The following MCTP1 variants were observed in gnomAD, a reference collection of about 807,000 sequenced individuals.
The protein encoded by MCTP1 is multiple C2 and transmembrane domain-containing protein 1.
MCTP1 carries 69 observed loss-of-function variants against 120.6 expected under a neutral mutation model. That is an observed-to-expected ratio of 0.57 (90% CI 0.47 to 0.70). The LOEUF (loss-of-function observed/expected upper bound fraction) is 0.70. Among genes scored for constraint, MCTP1 ranks in the 30% least tolerant of loss-of-function variants. MCTP1 has a pLI of 0.00. For missense variants in MCTP1, 1,203 were observed against 1,248.8 expected, an observed-to-expected ratio of 0.96 and a Z score of 0.55; for synonymous variants, 529 against 493.1, an observed-to-expected ratio of 1.07 and a Z score of -0.96.
intron 1 of MCTP1, among the ~76,000 whole-genome samples, chr5:95,028,076 A>T (rs185645843): frequency 5.9e-5 from 9 of 152,352 alleles, no homozygotes; most frequent in Admixed American, 5.9e-4. Flanking sequence ...GCAGCTACTA[A>T]GTAAGGAAAA....
chr5:95,056,306 A>G (rs1747380844), intron 1 of MCTP1, among the ~76,000 whole-genome samples: 1 of 152,230 alleles, frequency 6.6e-6, no homozygotes, highest in Non-Finnish European at 1.5e-5. Flanking sequence ...TCTTGCTAAC[A>G]TGAAACTTTA....
At chr5:95,074,114 T>A (rs1461912324) in intron 1 of MCTP1, among the ~76,000 whole-genome samples, 1 of 152,062 alleles carries the variant, frequency 6.6e-6, no homozygotes, top group Non-Finnish European at 1.5e-5. Context: ...AGACTCCGTC[T>A]CAAGAAAAAA....
At chr5:95,099,126 A>G (rs1363534906) in intron 1 of MCTP1, among the ~76,000 whole-genome samples, 1 of 152,042 alleles carries the variant, frequency 6.6e-6, no homozygotes, top group Non-Finnish European at 1.5e-5. Flanking sequence ...TCAATTCAAG[A>G]TGGATTAAAG....
chr5:94,725,103 C>T (rs1322868513), intron 19 of MCTP1, among the ~76,000 whole-genome samples: 2 of 152,042 alleles, frequency 1.3e-5, no homozygotes, highest in African/African-American at 4.8e-5. Context: ...AGCACGTGAA[C>T]CTGTGAATTA....
At chr5:95,211,681 AGTCATTCTCC>A (rs1752394053) in intron 1 of MCTP1, among the ~76,000 whole-genome samples, 1 of 152,188 alleles carries the variant, frequency 6.6e-6, no homozygotes, top group Admixed American at 6.6e-5. Flanking sequence ...AACTTGTCAA[AGTCATTCTCC>A]GTCCAGCTTT....
chr5:94,818,625 AC>A (rs1214426340), intron 17 of MCTP1, among the ~76,000 whole-genome samples: 1 of 152,134 alleles, frequency 6.6e-6, no homozygotes, highest in African/African-American at 2.4e-5. Flanking sequence ...TGATGGCTCT[AC>A]CCTTTCTCTT....
At chr5:95,232,871 G>A (rs1382635493) in intron 1 of MCTP1, among the ~76,000 whole-genome samples, 1 of 152,138 alleles carries the variant, frequency 6.6e-6, no homozygotes, top group African/African-American at 2.4e-5. Context: ...GAAAATGAAA[G>A]TTATTTCAAA....
At chr5:94,983,126 A>G (rs1421530868) in intron 2 of MCTP1, among the ~76,000 whole-genome samples, 1 of 151,978 alleles carries the variant, frequency 6.6e-6, no homozygotes, top group Non-Finnish European at 1.5e-5. Context: ...AAGAAAACAG[A>G]CTAATAGCCA....
chr5:94,876,553 A>G lies in MCTP1; in HGVS notation c.1934-3312T>C, dbSNP rs1344860652. Among the ~76,000 whole-genome samples, 4 of 152,178 alleles carry G rather than the reference A, an allele frequency of 2.6e-5. No homozygotes were observed. The East Asian group carries it at 7.7e-4, about 29-fold the overall frequency. ...TTTGAGAGCCTAAATATATGAGAAC[A>G]CAGATTATATAATCTATTTTTCTCT... On this transcript the variant is annotated intron_variant, in intron 12 of 22. Transcript: ENST00000515393.
At chr5:94,717,874 C>G (rs1430710918) in intron 19 of MCTP1, among the ~76,000 whole-genome samples, 1 of 151,718 alleles carries the variant, frequency 6.6e-6, no homozygotes, top group Non-Finnish European at 1.5e-5. Flanking sequence ...TCAGCGAGGA[C>G]ACAAATGGGA....
In MCTP1 at chr5:94,858,456, C is replaced by T. The variant is rs1341542988; in HGVS notation, c.2436+9877G>A. 3.3e-5 allele frequency among the ~76,000 whole-genome samples: 5 copies of T among 151,712 alleles called. No homozygotes were observed. The South Asian group carries it at 1.0e-3, about 31-fold the overall frequency. On this transcript the variant is annotated intron_variant, in intron 17 of 22. Transcript: ENST00000515393. ...TGCATACAGACTTATTATATCAAGT[C>T]GGCAATTCTAGCCTTCCCAGATCAA...
chr5:95,209,951 G>T (rs1380339007), intron 1 of MCTP1, among the ~76,000 whole-genome samples: 1 of 152,188 alleles, frequency 6.6e-6, no homozygotes, highest in Non-Finnish European at 1.5e-5. Flanking sequence ...TTGAGGATCA[G>T]GTTGTTCAGT....
In MCTP1 at chr5:95,157,471, T is replaced by C. The variant is rs552695883; in HGVS notation, c.720+126385A>G. On this transcript the variant is annotated intron_variant, in intron 1 of 22. Transcript: ENST00000515393. ...TTCTAATTTATATTATTCTATCAAA[T>C]GAATTCAGCTGCCCTGTAGACCCAT... is the stretch of plus-strand genomic sequence containing the variant. Among the ~76,000 whole-genome samples the C allele has an allele frequency of 1.4e-3, 213 of 152,314 alleles. 2 individuals are homozygous for C. The highest frequency in any genetic ancestry group is 4.9e-3 in the African/African-American group (204 of 41,570).
intron 1 of MCTP1, among the ~76,000 whole-genome samples, chr5:95,102,532 C>T (rs532695653): frequency 1.3e-5 from 2 of 152,242 alleles, no homozygotes; most frequent in African/African-American, 2.4e-5. Context: ...AGAAGTTGCA[C>T]GTCGGAAGTT....
chr5:95,263,642 C>G (rs1276041928), intron 1 of MCTP1, among the ~76,000 whole-genome samples: 1 of 152,160 alleles, frequency 6.6e-6, no homozygotes, highest in Non-Finnish European at 1.5e-5. Context: ...TTTAAAGATA[C>G]CTGCTGCCTC....
At chr5:94,813,149 T>A (rs770210206) in intron 17 of MCTP1, among the ~76,000 whole-genome samples, 1 of 151,978 alleles carries the variant, frequency 6.6e-6, no homozygotes, top group African/African-American at 2.4e-5. Context: ...GTTTAAACAA[T>A]GGGAAAAAGA....
chr5:94,818,368 T>C (rs1784917162), intron 17 of MCTP1, among the ~76,000 whole-genome samples: 1 of 152,194 alleles, frequency 6.6e-6, no homozygotes, highest in African/African-American at 2.4e-5. Context: ...CTGGCCCCCA[T>C]CAGACATAAT....
At chr5:94,970,594 C>T (rs1826592144) in intron 2 of MCTP1, among the ~76,000 whole-genome samples, 1 of 151,952 alleles carries the variant, frequency 6.6e-6, no homozygotes, top group African/African-American at 2.4e-5. Flanking sequence ...CTGTCTCCTC[C>T]AGGAATTCGC....
chr5:95,018,303 G>A lies in MCTP1; in HGVS notation c.721-819C>T, dbSNP rs529010217. Among the ~76,000 whole-genome samples the A allele has an allele frequency of 3.7e-3, 560 of 152,044 alleles. 2 individuals are homozygous for A. Among genetic ancestry groups the A allele is most frequent in the Non-Finnish European group, 5.6e-3 (378 of 67,940 alleles). ...GGAAAGCTTTTCTTTGTGTGTTTGG[G>A]ATTAATTTAAATTCTTATAATTTTT... On this transcript the variant is annotated intron_variant, in intron 1 of 22. Transcript: ENST00000515393.
Sources: gnomAD v4.1 joint callset for allele counts (sites outside exome capture counted in the v4.1 genomes callset) on GRCh38, gnomAD v4.1.1 for gene constraint, MANE v1.5 for transcripts, NCBI Gene and HGNC (gene_info 2026-07-23, HGNC 2026-07-21) for gene names.